Variants in MAGI1 observed in about 807,000 individuals in gnomAD.
MAGI1 encodes membrane-associated guanylate kinase, WW and PDZ domain-containing protein 1.
MAGI1 carries 58 observed loss-of-function variants against 139.9 expected under a neutral mutation model. The ratio of observed to expected loss-of-function variants is 0.41; its 90% CI spans 0.34 to 0.52. The LOEUF is 0.52. MAGI1 is among the 20% of genes least tolerant of loss of function. The probability of loss-of-function intolerance (pLI) is 0.12; values close to 1 mark genes in which losing one functional copy is unlikely to be tolerated. For missense variants in MAGI1, 1,874 were observed against 1,901.6 expected, an observed-to-expected ratio of 0.99 and a Z score of 0.27; for synonymous variants, 812 against 737.9, an observed-to-expected ratio of 1.10 and a Z score of -1.63.
At chr3:65,804,206 G>A (rs892846763) in intron 1 of MAGI1, among the ~76,000 whole-genome samples, 13 of 151,046 alleles carry the variant, frequency 8.6e-5, no homozygotes, top group African/African-American at 3.2e-4. Flanking sequence ...CGTGGCACAA[G>A]CCACAAATAA....
At chr3:65,772,720 G>A (rs1577066892) in intron 1 of MAGI1, among the ~76,000 whole-genome samples, 1 of 152,248 alleles carries the variant, frequency 6.6e-6, no homozygotes, top group Non-Finnish European at 1.5e-5. Flanking sequence ...CAGGCTCACT[G>A]AGGGCAGTAT....
chr3:65,772,027 CCT>C (rs1043226560), intron 1 of MAGI1, among the ~76,000 whole-genome samples: 6 of 152,082 alleles, frequency 3.9e-5, no homozygotes, highest in African/African-American at 1.4e-4. Context: ...ATGGTGAAAC[CCT>C]GTCTCTACTA....
At position 65,859,418 on chromosome 3, in the gene MAGI1, A is replaced by G. The variant is rs557229951; in HGVS notation, c.313+178578T>C. ...TGGAGTCACTCATGCTAAATGCCACATAAGCAACTTAAAACTTTAAGGAAG... is the reference window on the plus strand; with the variant it reads ...TGGAGTCACTCATGCTAAATGCCACGTAAGCAACTTAAAACTTTAAGGAAG... On this transcript the variant is annotated intron_variant, in intron 1 of 22. Coordinates refer to ENST00000402939, the MANE Select transcript of MAGI1 (RefSeq NM_001033057.2). Among the ~76,000 whole-genome samples the G allele has an allele frequency of 7.9e-5, 12 of 151,854 alleles. No homozygotes were observed. The East Asian group carries it at 2.3e-3, about 30-fold the overall frequency.
chr3:65,951,026 AGG>A lies in MAGI1; in HGVS notation c.313+86968_313+86969del, dbSNP rs1560047264. 4.0e-4 allele frequency among the ~76,000 whole-genome samples: 34 copies of A among 84,332 alleles called. 3 individuals carry two copies. Among genetic ancestry groups the A allele is most frequent in the Non-Finnish European group, 8.7e-4 (29 of 33,204 alleles). 55.3% of individuals were successfully genotyped at this position (84,332 alleles called of 152,430 possible). A position where few individuals can be genotyped will look rare whatever the true frequency, so the allele number is the denominator to read the frequency against. On this transcript the variant is annotated intron_variant, in intron 1 of 22. Transcript: ENST00000402939. The stretch of plus-strand genomic sequence containing the variant: ...AAGGAAGGAAGGAAGGAAGGAAGGA[AGG>A]AAGGAAGGAAAGGAGGGAGGGAGGG...
intron 1 of MAGI1, among the ~76,000 whole-genome samples, chr3:65,898,582 CTA>C (rs2061081652): frequency 6.6e-6 from 1 of 152,118 alleles, no homozygotes; most frequent in Non-Finnish European, 1.5e-5. Context: ...CCTTCATTTG[CTA>C]TGTCTCATTT....
At chr3:65,568,401 G>A (rs1437060007) in intron 2 of MAGI1, among the ~76,000 whole-genome samples, 1 of 152,010 alleles carries the variant, frequency 6.6e-6, no homozygotes, top group Non-Finnish European at 1.5e-5. Context: ...TGGTTGATCA[G>A]GTAAAACCTT....
intron 1 of MAGI1, among the ~76,000 whole-genome samples, chr3:65,668,834 G>A (rs1227507283): frequency 6.6e-6 from 1 of 152,058 alleles, no homozygotes; most frequent in African/African-American, 2.4e-5. Context: ...TTACAGGTGT[G>A]AGCCACTGTG....
chr3:65,918,450 G>A (rs1319714700), intron 1 of MAGI1, among the ~76,000 whole-genome samples: 3 of 142,796 alleles, frequency 2.1e-5, no homozygotes, highest in Non-Finnish European at 3.0e-5. Flanking sequence ...GCGCGATCTC[G>A]GCTCACTGAA....
intron 3 of MAGI1, among the ~76,000 whole-genome samples, chr3:65,479,320 TTGA>T (rs1951097022): frequency 6.6e-6 from 1 of 152,142 alleles, no homozygotes; most frequent in African/African-American, 2.4e-5. Flanking sequence ...AATGGCAGGC[TTGA>T]CTCTCAGAGT....
chr3:65,869,358 G>A (rs2059843401), intron 1 of MAGI1, among the ~76,000 whole-genome samples: 1 of 147,542 alleles, frequency 6.8e-6, no homozygotes, highest in South Asian at 2.2e-4. Context: ...CCAAAGGCAA[G>A]ACTGGTTTTT....
intron 13 of MAGI1, 101 bp from the exon 14 acceptor site, chr3:65,391,459 C>T (rs1559517998): frequency 1.1e-6 from 1 of 883,890 alleles, no homozygotes; most frequent in Non-Finnish European, 1.8e-6. Context: ...CTTTTGCATA[C>T]ACATACATAT....
At chr3:65,841,937 A>G (rs1253869001) in intron 1 of MAGI1, among the ~76,000 whole-genome samples, 1 of 152,206 alleles carries the variant, frequency 6.6e-6, no homozygotes, top group Non-Finnish European at 1.5e-5. Flanking sequence ...CATTTCAAAA[A>G]ACAGGATCCT....
At chr3:65,529,308 G>C (rs940244287) in intron 2 of MAGI1, among the ~76,000 whole-genome samples, 1 of 152,068 alleles carries the variant, frequency 6.6e-6, no homozygotes, top group Non-Finnish European at 1.5e-5. Context: ...TCACTATCTA[G>C]TTCTGGAACA....
At chr3:65,406,677 G>A (rs936898792) in intron 12 of MAGI1, among the ~76,000 whole-genome samples, 2 of 137,234 alleles carry the variant, frequency 1.5e-5, no homozygotes, top group Non-Finnish European at 1.7e-5. Flanking sequence ...CAAGGCAAAT[G>A]TTGCAATAAA....
rs1445247445 is a variant in MAGI1, at chr3:65,544,891, TACA to T, written c.431-51263_431-51261del. On this transcript the variant is annotated intron_variant, in intron 2 of 22. Coordinates refer to ENST00000402939, the MANE Select transcript of MAGI1 (RefSeq NM_001033057.2). Reference sequence around the variant, plus strand: ...TGGGGTTATTTTGTAGATTAAGTAATACATGTGAGTGTGATTTATAAATATAAA... The same window carrying T: ...TGGGGTTATTTTGTAGATTAAGTAATTGTGAGTGTGATTTATAAATATAAA... Among the ~76,000 whole-genome samples the T allele has an allele frequency of 2.0e-5, 3 of 152,240 alleles. No individual in the cohort carries two copies. In the East Asian group the frequency reaches 5.8e-4, roughly 29 times the overall value.
rs543860455 is a variant in MAGI1 at position 65,772,519 on chromosome 3, A to C, written c.314-150431T>G. On this transcript the variant is annotated intron_variant, in intron 1 of 22. Transcript: ENST00000402939. ...ACTGAGTTCTCTGCAGAGAATGATCATGGTGCTACAAGGGAGGGACACCTC... is the reference window on the plus strand; with the variant it reads ...ACTGAGTTCTCTGCAGAGAATGATCCTGGTGCTACAAGGGAGGGACACCTC... 1.2e-4 allele frequency among the ~76,000 whole-genome samples: 19 copies of C among 152,306 alleles called. No homozygotes were observed. The South Asian group carries it at 2.5e-3, about 20-fold the overall frequency.
At chr3:65,409,668 C>G (rs1268968275) in intron 12 of MAGI1, among the ~76,000 whole-genome samples, 1 of 151,776 alleles carries the variant, frequency 6.6e-6, no homozygotes, top group Non-Finnish European at 1.5e-5. Context: ...TAAATACCAT[C>G]ATAACCCCGT....
chr3:65,716,965 C>T (rs1356284945), intron 1 of MAGI1, among the ~76,000 whole-genome samples: 1 of 152,166 alleles, frequency 6.6e-6, no homozygotes, highest in Non-Finnish European at 1.5e-5. Flanking sequence ...CCAAATACGT[C>T]CTCATCCTGC....
At chr3:65,430,601 T>C (rs1361806344) in intron 11 of MAGI1, 98 bp downstream of exon 11, 2 of 1,308,756 alleles carry the variant, frequency 1.5e-6, no homozygotes, top group Non-Finnish European at 2.1e-6. Context: ...ATGACGTTGC[T>C]TGGTCTTGCT....
Sources: allele counts gnomAD v4.1 joint callset (sites outside exome capture counted in the v4.1 genomes callset), GRCh38; gene constraint gnomAD v4.1.1; transcripts MANE v1.5; gene names NCBI Gene and HGNC (gene_info 2026-07-23, HGNC 2026-07-21).